TUBGCP5: variants seen among roughly 807,000 people sequenced by gnomAD.
TUBGCP5 encodes tubulin gamma complex component 5.
TUBGCP5 carries 98 observed loss-of-function variants against 134.7 expected under a neutral mutation model. The observed-to-expected ratio is 0.73, with a 90% CI of 0.62 to 0.86. The LOEUF is 0.86. TUBGCP5 is among the 40% of genes least tolerant of loss of function. The pLI, the probability that TUBGCP5 is intolerant of heterozygous loss-of-function variation, is 0.00. For synonymous variants in TUBGCP5, 456 were observed against 431.4 expected (o/e 1.06, Z -0.71); for missense variants, 1,150 against 1,244.8 (o/e 0.92, Z 1.15).
rs1052506903 is a variant in TUBGCP5, at chr15:22,999,496, G to A, written c.*324C>T. Reference sequence around the variant, plus strand: ...GCTCACTGTAGCCTTGACCTCCTGGGCTCAAGTAATCCTCCCATCTTTGCC... The same window carrying A: ...GCTCACTGTAGCCTTGACCTCCTGGACTCAAGTAATCCTCCCATCTTTGCC... On this transcript the variant is annotated 3_prime_UTR_variant, in exon 23 of 23. Transcript: ENST00000615383. 2 of 306,088 alleles carry A rather than the reference G, an allele frequency of 6.5e-6. No individual in the cohort carries two copies. The highest frequency in any genetic ancestry group is 1.3e-5 in the Non-Finnish European group (2 of 157,998). 19.0% of individuals were successfully genotyped at this position (306,088 alleles called of 1,614,324 possible). A position where few individuals can be genotyped will look rare whatever the true frequency, so the allele number is the denominator to read the frequency against.
intron 23 of TUBGCP5, among the ~76,000 whole-genome samples, chr15:22,989,554 T>C (rs1371056180): frequency 6.6e-6 from 1 of 152,186 alleles, no homozygotes; most frequent in African/African-American, 2.4e-5. Context: ...GATTTATTTA[T>C]TTATCTAGAG....
At chr15:23,037,026 A>G (rs2066629746) in intron 2 of TUBGCP5, 21 bp from the exon 3 acceptor site, 2 of 1,594,998 alleles carry the variant, frequency 1.3e-6, no homozygotes, top group African/African-American at 2.7e-5. Flanking sequence ...AGAAAAGATT[A>G]TAAAGCTATC....
At chr15:23,039,278 A>C in intron 1 of TUBGCP5, 120 bp downstream of exon 1, 1 of 1,144,570 alleles carries the variant, frequency 8.7e-7, no homozygotes, top group East Asian at 3.8e-5. Flanking sequence ...AGGCTCCCTG[A>C]GGCCGCGCCC....
intron 13 of TUBGCP5, among the ~76,000 whole-genome samples, chr15:23,017,156 A>C (rs2065384886): frequency 1.3e-5 from 2 of 151,804 alleles, no homozygotes; most frequent in South Asian, 4.2e-4. Flanking sequence ...GTAGAACAGG[A>C]TACCAGATGC....
chr15:23,004,030 T>A, intron 20 of TUBGCP5, 72 bp downstream of exon 20: 1 of 1,515,118 alleles, frequency 6.6e-7, no homozygotes, highest in Non-Finnish European at 8.8e-7. Context: ...TTAATCATCA[T>A]AAAATTCCAA....
chr15:23,026,795 T>C (rs2066008622), intron 7 of TUBGCP5, among the ~76,000 whole-genome samples: 1 of 152,126 alleles, frequency 6.6e-6, no homozygotes, highest in South Asian at 2.1e-4. Context: ...TAGCTGGGCA[T>C]GGTGGCATGC....
chr15:23,012,930 A>G lies in TUBGCP5; in HGVS notation c.1757-1599T>C, dbSNP rs559254000. On this transcript the variant is annotated intron_variant, in intron 13 of 22. Coordinates refer to ENST00000615383, the MANE Select transcript of TUBGCP5 (RefSeq NM_052903.6). ...AGCTTGGCCAACATGGTGAAACCCC[A>G]TCTCTACTAAAAACACAAAAAATTA... Among the ~76,000 whole-genome samples the G allele has an allele frequency of 3.2e-4, 49 of 152,062 alleles. 2 individuals are homozygous for G. The South Asian group carries it at 9.4e-3, about 29-fold the overall frequency.
At chr15:23,034,095 G>T (rs1382632643) in intron 3 of TUBGCP5, among the ~76,000 whole-genome samples, 1 of 152,170 alleles carries the variant, frequency 6.6e-6, no homozygotes, top group African/African-American at 2.4e-5. Context: ...TGTATGCTCA[G>T]ATCTTGAACC....
chr15:23,010,044 G>A lies in TUBGCP5; in HGVS notation c.2045C>T (p.Thr682Ile). 6.2e-7 allele frequency: 1 copy of A among 1,614,114 alleles called. No homozygotes were observed. Among genetic ancestry groups the A allele is most frequent in the Non-Finnish European group, 8.5e-7 (1 of 1,180,018 alleles). ...DRSSESVTCQ[T>I]FELTLRSCLY... ...GCAGGATCTCAGCGTTAATTCAAAAGTCTGGCATGTCACAGATTCCGATGA... is the reference window on the plus strand; with the variant it reads ...GCAGGATCTCAGCGTTAATTCAAAAATCTGGCATGTCACAGATTCCGATGA... Residue 682 changes from threonine (T) to isoleucine (I), a missense_variant, in exon 15 of 23, where the codon ACT becomes ATT. By Grantham distance (89) the Thr-to-Ile change is moderately conservative. Transcript: ENST00000615383.
intron 7 of TUBGCP5, among the ~76,000 whole-genome samples, chr15:23,026,487 G>A (rs2065993359): frequency 6.6e-6 from 1 of 152,024 alleles, no homozygotes; most frequent in Non-Finnish European, 1.5e-5. Context: ...TTTGCAGTAA[G>A]TATACCAAAA....
chr15:23,024,138 C>T lies in TUBGCP5; in HGVS notation c.977G>A (p.Arg326Gln), dbSNP rs757984655. Residue 326 changes from arginine to glutamine, a missense_variant, in exon 10 of 23, where the codon CGA (arginine) becomes CAA (glutamine). Arg to Gln is a conservative substitution (Grantham distance 43). This residue lies in a region of TUBGCP5 where 697 missense variants were observed against 850.1 expected (regional missense o/e 0.82). Transcript: ENST00000615383. ...QIAAYGQVVF[R>Q]LQEFIDEVMG... Reference sequence around the variant, plus strand: ...GACTTCATCAATGAACTCCTGGAGTCGAAACACAACCTGGCCATATGCTGC... The same window carrying T: ...GACTTCATCAATGAACTCCTGGAGTTGAAACACAACCTGGCCATATGCTGC... 3.7e-6 allele frequency: 6 copies of T among 1,614,084 alleles called. No individual in the cohort carries two copies. Among genetic ancestry groups the T allele is most frequent in the Admixed American group, 1.7e-5 (1 of 60,016 alleles).
downstream of TUBGCP5, among the ~76,000 whole-genome samples, chr15:22,997,849 C>T (rs2064165656): frequency 6.6e-6 from 1 of 151,150 alleles, no homozygotes; most frequent in Non-Finnish European, 1.5e-5. Flanking sequence ...AACTCCTGAC[C>T]TCATGATCCA....
At chr15:23,035,781 G>A (rs1054031302) in intron 3 of TUBGCP5, among the ~76,000 whole-genome samples, 1 of 152,160 alleles carries the variant, frequency 6.6e-6, no homozygotes, top group Non-Finnish European at 1.5e-5. Context: ...GTGTAAGTGG[G>A]TGGGGGCTGT....
chr15:23,024,502 C>T, intron 9 of TUBGCP5: 3 of 428,740 alleles, frequency 7.0e-6, no homozygotes, highest in Non-Finnish European at 1.2e-5. Flanking sequence ...GCAGAAAATG[C>T]AAATTGAAAT....
intron 22 of TUBGCP5, chr15:23,000,213 T>C: frequency 8.7e-7 from 1 of 1,155,424 alleles, no homozygotes; most frequent in Non-Finnish European, 1.1e-6. Context: ...GGCCAGGAGC[T>C]TTAAATTCCT....
At position 23,006,458 on chromosome 15, in the gene TUBGCP5, C is replaced by A. The variant is rs1055681827; in HGVS notation, c.2328-106G>T. Reference sequence around the variant, plus strand: ...TTTACATAATATTCCCCAAAAGATACTGCATTTCATAAAAGAAATGCAAAC... The same window carrying A: ...TTTACATAATATTCCCCAAAAGATAATGCATTTCATAAAAGAAATGCAAAC... On this transcript the variant is annotated intron_variant, in intron 16 of 22. Transcript: ENST00000615383. 5.4e-6 allele frequency: 4 copies of A among 744,746 alleles called. No individual in the cohort carries two copies. In the African/African-American group the frequency reaches 5.5e-5, roughly 10 times the overall value. The allele number at this position is 744,746 out of a possible 1,614,324, so 46.1% of individuals were successfully genotyped here. A position where few individuals can be genotyped will look rare whatever the true frequency, so the allele number is the denominator to read the frequency against.
At chr15:23,021,556 A>G (rs1196418484) in intron 11 of TUBGCP5, among the ~76,000 whole-genome samples, 1 of 152,176 alleles carries the variant, frequency 6.6e-6, no homozygotes, top group Non-Finnish European at 1.5e-5. Flanking sequence ...TTTTCATGTT[A>G]TAAAACTGAA....
intron 3 of TUBGCP5, among the ~76,000 whole-genome samples, chr15:23,033,701 A>G (rs1049185773): frequency 6.6e-6 from 1 of 152,254 alleles, no homozygotes; most frequent in Non-Finnish European, 1.5e-5. Context: ...TACAGGTAAT[A>G]CAAATATACA....
rs969946621 is a variant in TUBGCP5, at chr15:22,984,004, C to G, written c.*62-393G>C. Among the ~76,000 whole-genome samples, 7 of 152,184 alleles carry G rather than the reference C, an allele frequency of 4.6e-5. 1 individual carries two copies. In the South Asian group the frequency reaches 1.5e-3, roughly 32 times the overall value. On this transcript the variant is annotated intron_variant and NMD_transcript_variant, in intron 23 of 23. Transcript: ENST00000614508. ...GCATAGTAGGCGGTGCCTGTGGTCC[C>G]AGCTACCACTGAGGCTGAGGCAGGA... is the stretch of plus-strand genomic sequence containing the variant.
Sources: gnomAD v4.1 joint callset for allele counts (sites outside exome capture counted in the v4.1 genomes callset) on GRCh38, gnomAD v4.1.1 for gene constraint, gnomAD v4.1.1 regional missense constraint, MANE v1.5 for transcripts, NCBI Gene and HGNC (gene_info 2026-07-23, HGNC 2026-07-21) for gene names.